SPECC1L: variants seen among roughly 807,000 people sequenced by gnomAD.
The protein encoded by SPECC1L is cytospin-A.
A neutral mutation model predicts 116.8 loss-of-function variants in SPECC1L; 40 were observed. That is an observed-to-expected ratio of 0.34 (90% CI 0.27 to 0.45). The LOEUF (loss-of-function observed/expected upper bound fraction) is 0.45. Among genes scored for constraint, SPECC1L ranks in the 20% least tolerant of loss-of-function variants. The pLI, the probability that SPECC1L is intolerant of heterozygous loss-of-function variation, is 1.00. For missense variants in SPECC1L, 1,110 were observed against 1,373.6 expected, an observed-to-expected ratio of 0.81 and a Z score of 3.03; for synonymous variants, 504 against 500.6, an observed-to-expected ratio of 1.01 and a Z score of -0.09.
intron 2 of SPECC1L, among the ~76,000 whole-genome samples, chr22:24,286,567 G>A (rs1490730664): frequency 6.6e-6 from 1 of 152,114 alleles, no homozygotes; most frequent in Non-Finnish European, 1.5e-5. Flanking sequence ...GAATTTGAAA[G>A]GAAGTACTTT....
chr22:24,283,407 A>C (rs2146343530), intron 2 of SPECC1L, among the ~76,000 whole-genome samples: 1 of 152,304 alleles, frequency 6.6e-6, no homozygotes, highest in Non-Finnish European at 1.5e-5. Context: ...TGTTAAACTA[A>C]CCTTGCATTT....
intron 10 of SPECC1L, among the ~76,000 whole-genome samples, chr22:24,338,721 G>A (rs1322914862): frequency 6.6e-6 from 1 of 152,174 alleles, no homozygotes; most frequent in Non-Finnish European, 1.5e-5. Context: ...CTTGCTATGT[G>A]TTCTACACTG....
At chr22:24,289,771 C>T (rs1247162963) in intron 2 of SPECC1L, among the ~76,000 whole-genome samples, 3 of 151,094 alleles carry the variant, frequency 2.0e-5, no homozygotes, top group Non-Finnish European at 4.4e-5. Context: ...TGCTTGCTTT[C>T]CTCTCTAACC....
intron 10 of SPECC1L, among the ~76,000 whole-genome samples, chr22:24,345,139 G>A (rs2041264637): frequency 6.6e-6 from 1 of 152,120 alleles, no homozygotes. Flanking sequence ...TTCAACATTA[G>A]ATCAGTAGAA....
At chr22:24,297,574 G>C in intron 2 of SPECC1L, among the ~76,000 whole-genome samples, 1 of 152,170 alleles carries the variant, frequency 6.6e-6, no homozygotes, top group Non-Finnish European at 1.5e-5. Context: ...TATTGGTTCT[G>C]TTTCTCTGGA....
chr22:24,373,532 C>T (rs2041911193), intron 14 of SPECC1L, among the ~76,000 whole-genome samples: 1 of 152,132 alleles, frequency 6.6e-6, no homozygotes, highest in African/African-American at 2.4e-5. Context: ...GGAAAGGATT[C>T]CCTATTTAAT....
intron 9 of SPECC1L, 102 bp from the exon 10 acceptor site, chr22:24,338,284 G>A: frequency 2.7e-6 from 3 of 1,097,180 alleles, no homozygotes; most frequent in South Asian, 1.2e-5. Flanking sequence ...TGTCCAGCGG[G>A]GTTTGAGAGC....
intron 2 of SPECC1L, among the ~76,000 whole-genome samples, chr22:24,298,382 T>C (rs1242999841): frequency 6.6e-6 from 1 of 152,244 alleles, no homozygotes; most frequent in Non-Finnish European, 1.5e-5. Flanking sequence ...AGTTGGGCAA[T>C]ATCTGCATTT....
At chr22:24,386,553 T>C (rs1358457974) in intron 14 of SPECC1L, among the ~76,000 whole-genome samples, 1 of 152,008 alleles carries the variant, frequency 6.6e-6, no homozygotes, top group African/African-American at 2.4e-5. Context: ...ATATGAGAGT[T>C]AATAGCAAGT....
At chr22:24,301,190 A>T (rs1381376618) in intron 2 of SPECC1L, among the ~76,000 whole-genome samples, 1 of 152,218 alleles carries the variant, frequency 6.6e-6, no homozygotes, top group African/African-American at 2.4e-5. Context: ...AACCTACAGA[A>T]TGGGAGAAAC....
At chr22:24,273,064 A>G (rs773453192) in intron 1 of SPECC1L, among the ~76,000 whole-genome samples, 3 of 152,220 alleles carry the variant, frequency 2.0e-5, no homozygotes, top group African/African-American at 4.8e-5. Flanking sequence ...AATAATTACA[A>G]TTACAGTTGT....
At chr22:24,346,032 A>G (rs2041286100) in intron 10 of SPECC1L, among the ~76,000 whole-genome samples, 2 of 145,500 alleles carry the variant, frequency 1.4e-5, no homozygotes, top group Non-Finnish European at 1.5e-5. Context: ...TTTGAGATGG[A>G]GTCTCACAAT....
At chr22:24,343,583 CCT>C in intron 10 of SPECC1L, 1 of 385,420 alleles carries the variant, frequency 2.6e-6, no homozygotes, top group South Asian at 1.9e-5. Context: ...GCCTCAGCCC[CCT>C]GAGTAGCTGG....
At chr22:24,361,086 T>C (rs9620379) in intron 11 of SPECC1L, among the ~76,000 whole-genome samples, 316 of 152,330 alleles carry the variant, frequency 2.1e-3, no homozygotes, top group Non-Finnish European at 3.1e-3. Context: ...TATAACCAAA[T>C]GTTCCTCATA....
In SPECC1L at chr22:24,322,790, G is replaced by C. The variant is rs1220172849; in HGVS notation, c.1810G>C (p.Asp604His). 1 of 1,588,208 alleles carries C rather than the reference G, an allele frequency of 6.3e-7. No homozygotes were observed. The highest frequency in any genetic ancestry group is 1.4e-5 in the African/African-American group (1 of 73,936). ...YSIHNSGDKS[D>H]IQDLLESVRL... ...TATCCATAACTCTGGAGACAAATCT[G>C]ATATTCAGGACCTCCTGGAGAGTGT... Residue 604 changes from aspartate (D) to histidine (H), a missense_variant, in exon 5 of 17, where the codon GAT (aspartate) becomes CAT (histidine). Physicochemically the swap from Asp to His is moderately conservative, Grantham distance 81 (BLOSUM62 -1). Around this residue, in one of 4 missense-constraint regions of SPECC1L, gnomAD observed 575 missense variants for 682.4 expected, o/e 0.84. Coordinates refer to ENST00000314328, the MANE Select transcript of SPECC1L (RefSeq NM_015330.6).
At chr22:24,289,390 T>G (rs188074925) in intron 2 of SPECC1L, among the ~76,000 whole-genome samples, 1 of 152,346 alleles carries the variant, frequency 6.6e-6, no homozygotes, top group East Asian at 1.9e-4. Context: ...TTAACGTCCT[T>G]TCCAGCAGCT....
At chr22:24,395,072 C>T (rs780662207) in intron 14 of SPECC1L, among the ~76,000 whole-genome samples, 4 of 152,180 alleles carry the variant, frequency 2.6e-5, no homozygotes, top group Non-Finnish European at 4.4e-5. Context: ...AAGTGATCTG[C>T]CTGCCTCAGC....
intron 10 of SPECC1L, chr22:24,343,505 C>T (rs1410338240): frequency 4.5e-5 from 20 of 444,644 alleles, no homozygotes; most frequent in Admixed American, 2.2e-4. Context: ...CTGTCGCCCA[C>T]GCTGGAATGC....
At chr22:24,347,404 C>CA (rs551456169) in intron 11 of SPECC1L, among the ~76,000 whole-genome samples, 176 of 152,268 alleles carry the variant, frequency 1.2e-3, no homozygotes, top group African/African-American at 4.0e-3. Context: ...AGAGAGTGTA[C>CA]ACCATTGCTA....
Sources: allele counts gnomAD v4.1 joint callset (sites outside exome capture counted in the v4.1 genomes callset), GRCh38; gene constraint gnomAD v4.1.1; regional missense constraint gnomAD v4.1.1; transcripts MANE v1.5; gene names NCBI Gene and HGNC (gene_info 2026-07-23, HGNC 2026-07-21).